Variants in ZBTB17 observed in about 807,000 individuals in gnomAD.
ZBTB17 encodes zinc finger and BTB domain-containing protein 17.
Under a neutral mutation model 85.1 loss-of-function variants are expected in ZBTB17, and 24 were observed. The ratio of observed to expected loss-of-function variants is 0.28; its 90% CI spans 0.20 to 0.40. The LOEUF is 0.40. ZBTB17 is among the 10% of genes least tolerant of loss of function. The pLI is 1.00. For synonymous variants in ZBTB17, 464 were observed against 460.2 expected, an observed-to-expected ratio of 1.01 and a Z score of -0.11; for missense variants, 743 against 1,105.1, an observed-to-expected ratio of 0.67 and a Z score of 4.65.
intron 2 of ZBTB17, among the ~76,000 whole-genome samples, chr1:15,965,401 A>G (rs978129121): frequency 7.2e-5 from 11 of 152,192 alleles, no homozygotes; most frequent in African/African-American, 2.7e-4. Flanking sequence ...TCAAAACCAC[A>G]TGAGATGTCA....
intron 5 of ZBTB17, 26 bp downstream of exon 5, chr1:15,946,128 G>A (rs1179424715): frequency 1.0e-5 from 16 of 1,602,398 alleles, no homozygotes; most frequent in Admixed American, 1.7e-5. Flanking sequence ...CAGGACAGCC[G>A]GCTGGGTCCT....
At chr1:15,971,270 CAT>C (rs1216002332) in intron 2 of ZBTB17, among the ~76,000 whole-genome samples, 2 of 150,982 alleles carry the variant, frequency 1.3e-5, no homozygotes, top group African/African-American at 4.9e-5. Context: ...CACTAAGACA[CAT>C]GTTTTGGGTA....
In ZBTB17 at chr1:15,950,358, G is replaced by A. The variant is rs540717562; in HGVS notation, c.-2-1861C>T. Among the ~76,000 whole-genome samples, 6 of 152,388 alleles carry A rather than the reference G, an allele frequency of 3.9e-5. No homozygotes were observed. The East Asian group carries it at 1.2e-3, about 29-fold the overall frequency. On this transcript the variant is annotated intron_variant, in intron 2 of 15. Transcript: ENST00000375743. ...GATCAAGACCTGAAGGGCACAAAGG[G>A]CAAGGTGGGTGCAGAAGGAACCAAA...
At chr1:15,944,112 T>A in intron 9 of ZBTB17, 188 bp downstream of exon 9, 1 of 1,065,696 alleles carries the variant, frequency 9.4e-7, no homozygotes, top group Admixed American at 2.0e-5. Context: ...TGAGTCGGCC[T>A]GCCCTCCGCA....
At position 15,951,813 on chromosome 1, in the gene ZBTB17, A is replaced by C. The variant is rs1464451457; in HGVS notation, c.-2-3316T>G. ...AGGGTTTGGGAGCGAAGGGGTGTGC[A>C]GGTCCTAGGAACATATCCCCTCCTA... On this transcript the variant is annotated intron_variant, in intron 2 of 15. Transcript: ENST00000375743. The surrounding 1 kb of genome is among the most constrained non-coding windows in gnomAD (Gnocchi z 4.1). Among the ~76,000 whole-genome samples, 1 of 152,122 alleles carries C rather than the reference A, an allele frequency of 6.6e-6. No individual in the cohort carries two copies. The highest frequency in any genetic ancestry group is 6.5e-5 in the Admixed American group (1 of 15,276).
intron 2 of ZBTB17, among the ~76,000 whole-genome samples, chr1:15,955,473 G>A (rs1010774734): frequency 6.6e-6 from 1 of 152,152 alleles, no homozygotes; most frequent in African/African-American, 2.4e-5. Flanking sequence ...TTCCACTGGA[G>A]AGTACCCATT....
At position 15,945,700 on chromosome 1, in the gene ZBTB17, G is replaced by T; in HGVS notation, c.661+15C>A. The T allele has an allele frequency of 6.2e-7, 1 of 1,606,264 alleles. No homozygotes were observed. On this transcript the variant is annotated intron_variant, in intron 6 of 15. Coordinates refer to ENST00000375743, the MANE Select transcript of ZBTB17 (RefSeq NM_003443.3). Reference sequence around the variant, plus strand: ...ATGCACCAGGTAGGGCCTGGTCCTGGCTGGGCGGGGCTACCTTGCTCCGAG... The same window carrying T: ...ATGCACCAGGTAGGGCCTGGTCCTGTCTGGGCGGGGCTACCTTGCTCCGAG...
intron 2 of ZBTB17, 138 bp from the exon 3 acceptor site, chr1:15,948,635 G>A: frequency 1.1e-6 from 1 of 916,928 alleles, no homozygotes; most frequent in South Asian, 1.7e-5. Context: ...GCCACAAAAG[G>A]GCAGTTCAGT....
rs201831962 is a variant in ZBTB17 at position 15,948,279 on chromosome 1, C to G, written c.205+12G>C. The G allele has an allele frequency of 4.2e-4, 679 of 1,613,692 alleles. 1 individual carries two copies. The highest frequency in any genetic ancestry group is 7.0e-5 in the Non-Finnish European group (83 of 1,180,032). ...GCTATCAGCAAGCTCAGCCCCAGCCCTGACGGGGTACCTGCCGCGTTACTG... is the reference window on the plus strand; with the variant it reads ...GCTATCAGCAAGCTCAGCCCCAGCCGTGACGGGGTACCTGCCGCGTTACTG... On this transcript the variant is annotated intron_variant, in intron 3 of 15. Transcript: ENST00000375743.
At chr1:15,945,317 G>GC in intron 6 of ZBTB17, 115 bp from the exon 7 acceptor site, 2 of 1,459,292 alleles carry the variant, frequency 1.4e-6, no homozygotes, top group Non-Finnish European at 1.8e-6. Flanking sequence ...GCCAAGGAAA[G>GC]CCCCCGGGGG....
Position 15,943,100 on chromosome 1 carries a change from C to T in ZBTB17, c.1792G>A (p.Val598Met), listed in dbSNP as rs755198556. ...ATGATGTGCTTGGACAGGTCCCCCACGTTCACGAAGGCCTTGCTGCACACG... is the reference window on the plus strand; with the variant it reads ...ATGATGTGCTTGGACAGGTCCCCCATGTTCACGAAGGCCTTGCTGCACACG... ...CSVCSKAFVN[V>M]GDLSKHIIIH... Residue 598 changes from valine (V) to methionine (M), a missense_variant, in exon 13 of 16, where the codon GTG becomes ATG. Val to Met is a conservative substitution (Grantham distance 21). Coordinates refer to ENST00000375743, the MANE Select transcript of ZBTB17 (RefSeq NM_003443.3). 1.1e-5 allele frequency: 18 copies of T among 1,613,982 alleles called. No homozygotes were observed. The highest frequency in any genetic ancestry group is 8.3e-5 in the Admixed American group (5 of 59,996).
intron 6 of ZBTB17, 138 bp from the exon 7 acceptor site, chr1:15,945,340 G>A: frequency 1.4e-6 from 2 of 1,433,988 alleles, no homozygotes; most frequent in East Asian, 5.0e-5. Context: ...CCTGTGAACT[G>A]GGTATTTGCT....
Position 15,942,347 on chromosome 1 carries a change from C to G in ZBTB17, c.2112G>C (p.Lys704Asn), listed in dbSNP as rs1362774657. Residue 704 changes from lysine to asparagine, a missense_variant, in exon 15 of 16, where the codon AAG (lysine) becomes AAC (asparagine). By Grantham distance (94) the Lys-to-Asn change is moderately conservative (BLOSUM62 0). Transcript: ENST00000375743. ...VLKAEISKAV[K>N]QVQEEDPNTH... ...CCCCCTCACCTTCTTCCTGCACTTGCTTCACAGCTTTGCTGATCTCGGCCT... is the reference window on the plus strand; with the variant it reads ...CCCCCTCACCTTCTTCCTGCACTTGGTTCACAGCTTTGCTGATCTCGGCCT... The G allele has an allele frequency of 6.2e-7, 1 of 1,613,970 alleles. No individual in the cohort carries two copies. Among genetic ancestry groups the G allele is most frequent in the South Asian group, 1.1e-5 (1 of 91,090 alleles).
intron 2 of ZBTB17, among the ~76,000 whole-genome samples, chr1:15,956,146 C>CA (rs2072037072): frequency 6.6e-6 from 1 of 152,192 alleles, no homozygotes. Context: ...TGGGCAGTAC[C>CA]TGATCATTCC....
chr1:15,974,317 C>A (rs1169291213), intron 1 of ZBTB17, among the ~76,000 whole-genome samples: 1 of 150,756 alleles, frequency 6.6e-6, no homozygotes, highest in African/African-American at 2.4e-5. Flanking sequence ...CCACCATGCC[C>A]GGCTATTTTT....
Position 15,947,758 on chromosome 1 carries a change from C to T in ZBTB17, c.205+533G>A, listed in dbSNP as rs116719877. 4.3e-3 allele frequency among the ~76,000 whole-genome samples: 653 copies of T among 152,290 alleles called. 3 individuals carry two copies. The highest frequency in any genetic ancestry group is 0.015 in the African/African-American group (623 of 41,546). On this transcript the variant is annotated intron_variant, in intron 3 of 15. Coordinates refer to ENST00000375743, the MANE Select transcript of ZBTB17 (RefSeq NM_003443.3). ...ACTGACCTCCAGGCCAGTCACTGAC[C>T]TCTTTGGGTCTCAGTTTCCACATCT...
Position 15,945,819 on chromosome 1 carries a change from G to T in ZBTB17, c.557C>A (p.Ala186Asp), listed in dbSNP as rs1292760233. ...AASGAEQTEK[A>D]DAPREPPPVE... ...AGGCGGCGGCTCCCGGGGCGCATCG[G>T]CTTTCTCTGTCTGCTCTGCACCTGG... The change falls in exon 6 of 16, where the codon GCC becomes GAC. Residue 186 changes from alanine to aspartate, a missense_variant. Coordinates refer to ENST00000375743, the MANE Select transcript of ZBTB17 (RefSeq NM_003443.3). The T allele has an allele frequency of 6.2e-7, 1 of 1,600,502 alleles. No homozygotes were observed. Among genetic ancestry groups the T allele is most frequent in the Non-Finnish European group, 8.5e-7 (1 of 1,177,868 alleles).
At chr1:15,963,673 T>TGAA (rs1241118118) in intron 2 of ZBTB17, among the ~76,000 whole-genome samples, 3 of 152,140 alleles carry the variant, frequency 2.0e-5, no homozygotes, top group Non-Finnish European at 2.9e-5. Flanking sequence ...AATTTACACC[T>TGAA]TATGAAACAC....
intron 2 of ZBTB17, chr1:15,969,867 T>C: frequency 1.7e-6 from 1 of 593,552 alleles, no homozygotes. Context: ...TTTCATTGAC[T>C]GTAAAATTCC....
Sources: gnomAD v4.1 joint callset for allele counts (sites outside exome capture counted in the v4.1 genomes callset) on GRCh38, gnomAD v4.1.1 for gene constraint, Gnocchi (gnomAD v3.1) non-coding constraint, MANE v1.5 for transcripts, NCBI Gene and HGNC (gene_info 2026-07-23, HGNC 2026-07-21) for gene names.